PDE8B: variants seen among roughly 807,000 people sequenced by gnomAD.
PDE8B encodes phosphodiesterase 8B, also known as high affinity cAMP-specific and IBMX-insensitive 3',5'-cyclic phosphodiesterase 8B.
PDE8B carries 26 observed loss-of-function variants against 101.3 expected under a neutral mutation model. That is an observed-to-expected ratio of 0.26 (90% CI 0.19 to 0.36). The LOEUF is 0.36. PDE8B is among the 10% of genes least tolerant of loss of function. PDE8B has a pLI of 1.00. For missense variants in PDE8B, 810 were observed against 1,163.1 expected, an observed-to-expected ratio of 0.70 and a Z score of 4.42; for synonymous variants, 424 against 429.3, an observed-to-expected ratio of 0.99 and a Z score of 0.15.
the PDE8B span, among the ~76,000 whole-genome samples, chr5:77,102,751 G>T: frequency 6.6e-6 from 1 of 152,118 alleles, no homozygotes; most frequent in Non-Finnish European, 1.5e-5. Flanking sequence ...GGGGTTTTTT[G>T]GTCAGACTTT....
At chr5:77,209,420 A>G (rs924628808), upstream of PDE8B, among the ~76,000 whole-genome samples, 1 of 152,226 alleles carries the variant, frequency 6.6e-6, no homozygotes, top group South Asian at 2.1e-4. Context: ...TGTGCCTTGC[A>G]TTAAGCCTCT....
upstream of PDE8B, among the ~76,000 whole-genome samples, chr5:77,207,256 A>C (rs1476357865): frequency 6.6e-6 from 1 of 152,246 alleles, no homozygotes; most frequent in Non-Finnish European, 1.5e-5. Flanking sequence ...GAATCATTCA[A>C]AATGTATTAA....
At chr5:77,229,904 T>C (rs924738236) in intron 1 of PDE8B, among the ~76,000 whole-genome samples, 9 of 152,266 alleles carry the variant, frequency 5.9e-5, no homozygotes, top group African/African-American at 2.2e-4. Flanking sequence ...ATGAACATTC[T>C]TGCACAGGTT....
At chr5:77,296,597 G>C (rs1175222989) in intron 1 of PDE8B, among the ~76,000 whole-genome samples, 1 of 152,182 alleles carries the variant, frequency 6.6e-6, no homozygotes, top group Non-Finnish European at 1.5e-5. Context: ...CCTGGAAGGA[G>C]AAAGGAAGGA....
At chr5:77,202,736 G>A in the PDE8B span, among the ~76,000 whole-genome samples, 23,126 of 151,732 alleles carry the variant, frequency 0.15, 2,070 homozygotes, top group East Asian at 0.37. Flanking sequence ...AGGTTCAAGC[G>A]ATTCTCCTGT....
chr5:77,182,053 C>A, the PDE8B span, among the ~76,000 whole-genome samples: 2 of 151,730 alleles, frequency 1.3e-5, no homozygotes, highest in Admixed American at 1.3e-4. Flanking sequence ...GGATTGGAGG[C>A]CAGGGAGTTG....
intron 10 of PDE8B, among the ~76,000 whole-genome samples, chr5:77,384,248 C>T (rs954483799): frequency 3.9e-5 from 6 of 152,028 alleles, no homozygotes; most frequent in Admixed American, 6.6e-5. Context: ...TTGTAGCAAT[C>T]GTGAATGGGA....
At chr5:77,315,655 A>T (rs996779612) in intron 2 of PDE8B, among the ~76,000 whole-genome samples, 3 of 152,192 alleles carry the variant, frequency 2.0e-5, no homozygotes, top group Non-Finnish European at 4.4e-5. Flanking sequence ...TGACTATGTG[A>T]TCTATCAGTT....
chr5:77,258,328 A>AGT lies in PDE8B; in HGVS notation c.339+47069_339+47070dup, dbSNP rs554965537. Among the ~76,000 whole-genome samples, 16 of 149,674 alleles carry AGT rather than the reference A, an allele frequency of 1.1e-4. No homozygotes were observed. In the East Asian group the frequency reaches 3.2e-3, roughly 30 times the overall value. The stretch of plus-strand genomic sequence containing the variant: ...AAAAAAAAGGAACCCAGAGCAGACC[A>AGT]GTGTGTTTAGAGCAGAGTGAACTGA... On this transcript the variant is annotated intron_variant, in intron 1 of 21. Transcript: ENST00000264917.
rs143234654 is a variant in PDE8B at position 77,328,331 on chromosome 5, T to C, written c.591-667T>C. Among the ~76,000 whole-genome samples, 336 of 151,150 alleles carry C rather than the reference T, an allele frequency of 2.2e-3. 3 individuals are homozygous for C. Among genetic ancestry groups the C allele is most frequent in the African/African-American group, 8.0e-3 (322 of 40,456 alleles). On this transcript the variant is annotated intron_variant, in intron 3 of 21. Coordinates refer to ENST00000264917, the MANE Select transcript of PDE8B (RefSeq NM_003719.5). The stretch of plus-strand genomic sequence containing the variant: ...CTATGTCCTGATTATTTTGGTCCTG[T>C]TTAATTCCTAGGGAATAAACTAACT...
At chr5:77,219,254 T>C (rs562931209) in intron 1 of PDE8B, among the ~76,000 whole-genome samples, 1 of 152,312 alleles carries the variant, frequency 6.6e-6, no homozygotes, top group South Asian at 2.1e-4. Context: ...GCGTTTTGGG[T>C]GCTGTCAGAC....
intron 18 of PDE8B, among the ~76,000 whole-genome samples, chr5:77,418,786 C>G (rs989624069): frequency 9.2e-5 from 14 of 152,162 alleles, no homozygotes; most frequent in African/African-American, 3.4e-4. Context: ...CCATTTTTCC[C>G]TAGCTCAATT....
chr5:77,223,528 G>A (rs1164325150), intron 1 of PDE8B, among the ~76,000 whole-genome samples: 3 of 151,568 alleles, frequency 2.0e-5, no homozygotes, highest in South Asian at 4.2e-4. Flanking sequence ...TTGGAAAAAC[G>A]GAGGAAGAAA....
chr5:77,144,633 A>G, the PDE8B span: 1 of 151,886 alleles, frequency 6.6e-6, no homozygotes, highest in Non-Finnish European at 1.5e-5. Context: ...AGCAAATGAA[A>G]CTTTTTGGAG....
intron 1 of PDE8B, among the ~76,000 whole-genome samples, chr5:77,218,555 G>A (rs542066829): frequency 9.2e-5 from 14 of 152,340 alleles, no homozygotes; most frequent in Admixed American, 3.3e-4. Context: ...ATTTAGAGCA[G>A]AAGGATGATA....
intron 1 of PDE8B, chr5:77,290,949 G>A: frequency 6.2e-7 from 1 of 1,611,230 alleles, no homozygotes; most frequent in Non-Finnish European, 8.5e-7. Context: ...TGGTGGAGCA[G>A]ATACCGGCAC....
the PDE8B span, among the ~76,000 whole-genome samples, chr5:77,191,887 A>G: frequency 6.6e-6 from 1 of 152,198 alleles, no homozygotes; most frequent in African/African-American, 2.4e-5. Flanking sequence ...TTTTCCTGCA[A>G]TTAGATGGTC....
Position 77,318,145 on chromosome 5 carries a change from A to G in PDE8B, c.399+6092A>G, listed in dbSNP as rs573388939. On this transcript the variant is annotated intron_variant, in intron 2 of 21. Transcript: ENST00000264917. Reference sequence around the variant, plus strand: ...AGGGCATGGGTTTTCTGGAACCATTATATTTTGGGGATTTTATATAGTGGA... The same window carrying G: ...AGGGCATGGGTTTTCTGGAACCATTGTATTTTGGGGATTTTATATAGTGGA... Among the ~76,000 whole-genome samples, 44 of 151,746 alleles carry G rather than the reference A, an allele frequency of 2.9e-4. No individual in the cohort carries two copies. The South Asian group carries it at 4.8e-3, about 17-fold the overall frequency.
chr5:77,226,149 A>G (rs1752352584), intron 1 of PDE8B, among the ~76,000 whole-genome samples: 5 of 151,510 alleles, frequency 3.3e-5, no homozygotes, highest in Admixed American at 3.3e-4. Flanking sequence ...TTTAATGTTT[A>G]GTTTAGTGTT....
Sources: allele counts gnomAD v4.1 joint callset (sites outside exome capture counted in the v4.1 genomes callset), GRCh38; gene constraint gnomAD v4.1.1; transcripts MANE v1.5; gene names NCBI Gene and HGNC (gene_info 2026-07-23, HGNC 2026-07-21).